Variants in ACTN1 observed in about 807,000 individuals in gnomAD.
ACTN1 encodes alpha-actinin-1.
Under a neutral mutation model 119.6 loss-of-function variants are expected in ACTN1, and 30 were observed. That is an observed-to-expected ratio of 0.25 (90% CI 0.19 to 0.34). The LOEUF is 0.34. Among genes scored for constraint, ACTN1 ranks in the 10% least tolerant of loss-of-function variants. The pLI, the probability that ACTN1 is intolerant of heterozygous loss-of-function variation, is 1.00. For synonymous variants in ACTN1, 429 were observed against 472.6 expected, an observed-to-expected ratio of 0.91 and a Z score of 1.20; for missense variants, 764 against 1,223.4, an observed-to-expected ratio of 0.62 and a Z score of 5.60.
chr14:68,888,406 G>C (rs1264404239), intron 11 of ACTN1: 3 of 241,814 alleles, frequency 1.2e-5, no homozygotes, highest in African/African-American at 6.9e-5. Flanking sequence ...TGATGAATCA[G>C]TGCAATCCCC....
At chr14:68,933,071 G>A (rs141130098) in intron 1 of ACTN1, among the ~76,000 whole-genome samples, 89 of 152,272 alleles carry the variant, frequency 5.8e-4, no homozygotes, top group African/African-American at 2.0e-3. Flanking sequence ...TAGAGATGAG[G>A]AAACTAAGGC....
intron 1 of ACTN1, among the ~76,000 whole-genome samples, chr14:68,972,789 G>A (rs150568926): frequency 3.3e-5 from 5 of 152,328 alleles, no homozygotes; most frequent in South Asian, 2.1e-4. Context: ...GAGGAGTTCC[G>A]CAGCTGCTCC....
At chr14:68,971,551 G>A (rs1056541712) in intron 1 of ACTN1, among the ~76,000 whole-genome samples, 6 of 152,200 alleles carry the variant, frequency 3.9e-5, no homozygotes, top group Non-Finnish European at 4.4e-5. Flanking sequence ...CTCGCTGTGC[G>A]GCTGTGAACA....
intron 1 of ACTN1, among the ~76,000 whole-genome samples, chr14:68,972,433 T>G (rs2036918870): frequency 1.3e-5 from 2 of 152,078 alleles, no homozygotes. Context: ...CTCTGGGAGG[T>G]GGGATGACAG....
chr14:68,877,487 A>G (rs972899031), intron 20 of ACTN1: 1 of 511,202 alleles, frequency 2.0e-6, no homozygotes, highest in Non-Finnish European at 3.5e-6. Context: ...CATGTTGATA[A>G]TAACTATAAT....
Position 68,892,226 on chromosome 14 carries a change from T to C in ACTN1, c.913A>G (p.Thr305Ala). The C allele has an allele frequency of 6.2e-7, 1 of 1,614,130 alleles. No individual in the cohort carries two copies. Among genetic ancestry groups the C allele is most frequent in the Non-Finnish European group, 8.5e-7 (1 of 1,180,008 alleles). Residue 305 changes from threonine to alanine, a missense_variant, in exon 10 of 22, where the codon ACC becomes GCC. Coordinates refer to ENST00000394419, the MANE Select transcript of ACTN1 (RefSeq NM_001130004.2). ...PWLENRVPENTMHAMQQKLED... is the reference protein window; with the variant it reads ...PWLENRVPENAMHAMQQKLED... ...AGCTTCTGTTGCATGGCATGCATGGTGTTCTCGGGCACCCGGTTCTCCAGC... is the reference window on the plus strand; with the variant it reads ...AGCTTCTGTTGCATGGCATGCATGGCGTTCTCGGGCACCCGGTTCTCCAGC...
At chr14:68,907,660 G>A (rs1309749158) in intron 6 of ACTN1, among the ~76,000 whole-genome samples, 1 of 152,208 alleles carries the variant, frequency 6.6e-6, no homozygotes, top group African/African-American at 2.4e-5. Context: ...AAAAGACAGA[G>A]AGGGATAGTG....
chr14:68,905,595 A>T (rs1022258995), intron 6 of ACTN1, among the ~76,000 whole-genome samples: 1 of 152,238 alleles, frequency 6.6e-6, no homozygotes, highest in African/African-American at 2.4e-5. Context: ...GTGGTGATAC[A>T]TACAATGGAA....
Position 68,910,050 on chromosome 14 carries a change from G to A in ACTN1, c.428-8C>T, listed in dbSNP as rs961667865. 5.6e-6 allele frequency: 9 copies of A among 1,612,252 alleles called. No individual in the cohort carries two copies. The highest frequency in any genetic ancestry group is 2.2e-5 in the South Asian group (2 of 90,980). ...CTTCCTTGGCTGAAGTCTCTATGGGGAAGGGGATGGGCAGCGAGGTCAGAG... is the reference window on the plus strand; with the variant it reads ...CTTCCTTGGCTGAAGTCTCTATGGGAAAGGGGATGGGCAGCGAGGTCAGAG... On this transcript the variant is annotated splice_polypyrimidine_tract_variant and splice_region_variant and intron_variant, in intron 4 of 21. Coordinates refer to ENST00000394419, the MANE Select transcript of ACTN1 (RefSeq NM_001130004.2).
chr14:68,892,027 G>T (rs1450564021), intron 10 of ACTN1, 26 bp downstream of exon 10: 1 of 1,610,096 alleles, frequency 6.2e-7, no homozygotes, highest in African/African-American at 1.3e-5. Context: ...CCAGTCTGGG[G>T]GCCCAGGCTC....
At position 68,880,656 on chromosome 14, in the gene ACTN1, G is replaced by T. The variant is rs1000966012; in HGVS notation, c.2133+154C>A. Among the ~76,000 whole-genome samples, 5 of 152,196 alleles carry T rather than the reference G, an allele frequency of 3.3e-5. No homozygotes were observed. Among genetic ancestry groups the T allele is most frequent in the Non-Finnish European group, 7.3e-5 (5 of 68,036 alleles). Reference sequence around the variant, plus strand: ...CATTCTCAACACATTCCTTGGGAAAGCAGAAGGTACTAAAAATTGAAGATG... The same window carrying T: ...CATTCTCAACACATTCCTTGGGAAATCAGAAGGTACTAAAAATTGAAGATG... On this transcript the variant is annotated intron_variant, in intron 17 of 21. Coordinates refer to ENST00000394419, the MANE Select transcript of ACTN1 (RefSeq NM_001130004.2). This position sits in a 1 kb window ranked among gnomAD's most constrained non-coding sequence, Gnocchi z 4.6.
intron 3 of ACTN1, among the ~76,000 whole-genome samples, chr14:68,920,119 T>G (rs1371614756): frequency 6.6e-6 from 1 of 152,276 alleles, no homozygotes; most frequent in Non-Finnish European, 1.5e-5. Flanking sequence ...CACTTACTGA[T>G]GGCGGAACCT....
chr14:68,968,635 C>T (rs1054787578), intron 1 of ACTN1, among the ~76,000 whole-genome samples: 1 of 152,254 alleles, frequency 6.6e-6, no homozygotes, highest in African/African-American at 2.4e-5. Context: ...ACAAGGTACT[C>T]TTTCCTGAAA....
chr14:68,900,522 G>A (rs1377537770), intron 8 of ACTN1, among the ~76,000 whole-genome samples: 1 of 151,882 alleles, frequency 6.6e-6, no homozygotes, highest in Non-Finnish European at 1.5e-5. Context: ...GGTCCTGGAT[G>A]TTTAAGGAAA....
At position 68,874,736 on chromosome 14, in the gene ACTN1, G is replaced by A. The variant is rs578254736; in HGVS notation, c.*123C>T. The A allele has an allele frequency of 1.0e-5, 10 of 1,002,628 alleles. No homozygotes were observed. The Admixed American group carries it at 2.9e-4, about 30-fold the overall frequency. The allele number at this position is 1,002,628 out of a possible 1,614,324, so 62.1% of individuals were successfully genotyped here. A position where few individuals can be genotyped will look rare whatever the true frequency, so the allele number is the denominator to read the frequency against. ...CGCGGGCAGGGAGGATCGATGCCAC[G>A]TGGGCCCCAGCTCACCCGGGTGGAG... On this transcript the variant is annotated 3_prime_UTR_variant, in exon 22 of 22. Transcript: ENST00000394419.
At chr14:68,920,866 G>A (rs932357054) in intron 3 of ACTN1, 140 bp downstream of exon 3, 25 of 1,184,128 alleles carry the variant, frequency 2.1e-5, no homozygotes, top group African/African-American at 6.1e-5. Flanking sequence ...CTCCACAGGC[G>A]ACCAGATGGA....
At chr14:68,889,068 T>C (rs2032264589) in intron 11 of ACTN1, among the ~76,000 whole-genome samples, 1 of 152,228 alleles carries the variant, frequency 6.6e-6, no homozygotes. Context: ...CCAATAGGTC[T>C]GTCCCACGCT....
intron 6 of ACTN1, among the ~76,000 whole-genome samples, chr14:68,905,367 T>C (rs997213127): frequency 6.0e-4 from 91 of 152,344 alleles, no homozygotes; most frequent in African/African-American, 2.1e-3. Flanking sequence ...GTAGGTGGAA[T>C]GTCAAATGCT....
intron 1 of ACTN1, chr14:68,936,766 A>G: frequency 1.6e-6 from 1 of 615,110 alleles, no homozygotes; most frequent in Non-Finnish European, 3.2e-6. Flanking sequence ...AAAACTGAAG[A>G]CCTCTTCCAG....
Sources: gnomAD v4.1 joint callset for allele counts (sites outside exome capture counted in the v4.1 genomes callset) on GRCh38, gnomAD v4.1.1 for gene constraint, Gnocchi (gnomAD v3.1) non-coding constraint, MANE v1.5 for transcripts, NCBI Gene and HGNC (gene_info 2026-07-23, HGNC 2026-07-21) for gene names.